RBPJ: variants seen among roughly 807,000 people sequenced by gnomAD.
The protein encoded by RBPJ is recombination signal binding protein for immunoglobulin kappa J region, also known as recombining binding protein suppressor of hairless.
Under a neutral mutation model 67.8 loss-of-function variants are expected in RBPJ, and 9 were observed. The ratio of observed to expected loss-of-function variants is 0.13; its 90% CI spans 0.08 to 0.23. The LOEUF is 0.23. Among genes scored for constraint, RBPJ ranks in the 10% least tolerant of loss-of-function variants. The pLI is 1.00. For missense variants in RBPJ, 305 were observed against 595.6 expected (o/e 0.51, Z 5.08); for synonymous variants, 198 against 203.3 (o/e 0.97, Z 0.22).
chr4:26,379,716 C>T (rs935827688), intron 1 of RBPJ, among the ~76,000 whole-genome samples: 6 of 151,938 alleles, frequency 3.9e-5, no homozygotes, highest in Non-Finnish European at 8.8e-5. Flanking sequence ...AGAGCCAAAC[C>T]GTATCAACCA....
At chr4:26,329,413 A>T (rs1723997348) in intron 1 of RBPJ, among the ~76,000 whole-genome samples, 1 of 152,216 alleles carries the variant, frequency 6.6e-6, no homozygotes, top group Non-Finnish European at 1.5e-5. Flanking sequence ...CCTAGGAATG[A>T]ATAGGCCAAG....
intron 2 of RBPJ, among the ~76,000 whole-genome samples, chr4:26,396,764 C>T (rs7659207): frequency 0.014 from 2,098 of 152,276 alleles, 53 homozygotes; most frequent in African/African-American, 0.049. Context: ...CTACAAAAAA[C>T]TTTTTGTGGA....
the RBPJ span, among the ~76,000 whole-genome samples, chr4:26,107,248 A>G: frequency 5.3e-5 from 8 of 152,362 alleles, no homozygotes; most frequent in Non-Finnish European, 1.2e-4. Flanking sequence ...AATAGTCTCA[A>G]GTGCCCATCC....
At chr4:26,378,070 T>G (rs1435582707) in intron 1 of RBPJ, among the ~76,000 whole-genome samples, 1 of 152,130 alleles carries the variant, frequency 6.6e-6, no homozygotes, top group African/African-American at 2.4e-5. Flanking sequence ...CTTTTTGCTG[T>G]GTGTCCTTAG....
intron 1 of RBPJ, among the ~76,000 whole-genome samples, chr4:26,339,756 A>C (rs1725300700): frequency 6.6e-6 from 1 of 152,198 alleles, no homozygotes; most frequent in African/African-American, 2.4e-5. Context: ...GCAGTGGCTC[A>C]TGCCTGTAAT....
At chr4:26,240,575 G>A (rs888008121) in intron 1 of RBPJ, among the ~76,000 whole-genome samples, 6 of 152,214 alleles carry the variant, frequency 3.9e-5, no homozygotes, top group Non-Finnish European at 7.3e-5. Flanking sequence ...ACATGAGGAA[G>A]AGCATGTTTT....
At chr4:26,318,969 C>T (rs1722765506), upstream of RBPJ, among the ~76,000 whole-genome samples, 1 of 138,846 alleles carries the variant, frequency 7.2e-6, no homozygotes, top group African/African-American at 2.6e-5. Flanking sequence ...TGCACTCTAG[C>T]CTAGGCGACA....
intron 1 of RBPJ, among the ~76,000 whole-genome samples, chr4:26,295,619 A>T (rs539393296): frequency 3.9e-5 from 6 of 152,206 alleles, no homozygotes; most frequent in Admixed American, 3.3e-4. Flanking sequence ...ACCCAACTGT[A>T]CCCAATTCTC....
At position 26,424,791 on chromosome 4, in the gene RBPJ, T is replaced by A. The variant is rs1446383436; in HGVS notation, c.747+48T>A. The A allele has an allele frequency of 9.1e-7, 1 of 1,102,254 alleles. No individual in the cohort carries two copies. The highest frequency in any genetic ancestry group is 1.4e-6 in the Non-Finnish European group (1 of 735,266). 68.3% of individuals were successfully genotyped at this position (1,102,254 alleles called of 1,614,324 possible). On this transcript the variant is annotated intron_variant, in intron 7 of 10. Coordinates refer to ENST00000355476, the MANE Select transcript of RBPJ (RefSeq NM_015874.6). This position sits in a 1 kb window ranked among gnomAD's most constrained non-coding sequence, Gnocchi z 5.3. ...GTGATAATGTGAAGTAAAAATTAAT[T>A]TCTTAAACAGGAAAATCACAACATT...
At chr4:26,178,348 G>C (rs566425144) in intron 1 of RBPJ, among the ~76,000 whole-genome samples, 14 of 152,284 alleles carry the variant, frequency 9.2e-5, no homozygotes, top group African/African-American at 3.4e-4. Context: ...AGAAGTCCCA[G>C]GCCCAGGCCG....
chr4:26,221,319 T>A, intron 1 of RBPJ, among the ~76,000 whole-genome samples: 1 of 152,180 alleles, frequency 6.6e-6, no homozygotes, highest in Non-Finnish European at 1.5e-5. Context: ...CTCCATCTCC[T>A]GACCTCGTGA....
chr4:26,398,701 C>T (rs1421440422), intron 2 of RBPJ, among the ~76,000 whole-genome samples: 1 of 152,142 alleles, frequency 6.6e-6, no homozygotes, highest in African/African-American at 2.4e-5. Flanking sequence ...GCAACTTCTG[C>T]CTTCCACGTT....
At chr4:26,269,178 C>T (rs1444501872) in intron 1 of RBPJ, among the ~76,000 whole-genome samples, 1 of 151,762 alleles carries the variant, frequency 6.6e-6, no homozygotes, top group Non-Finnish European at 1.5e-5. Flanking sequence ...GCAGCTGCTG[C>T]CCAGGCCCTC....
At chr4:26,399,752 C>T (rs1732570775) in intron 2 of RBPJ, among the ~76,000 whole-genome samples, 1 of 151,996 alleles carries the variant, frequency 6.6e-6, no homozygotes, top group Non-Finnish European at 1.5e-5. Flanking sequence ...ATGGTGCGAT[C>T]TTGGCTCACT....
intron 1 of RBPJ, among the ~76,000 whole-genome samples, chr4:26,204,199 T>C (rs1335263360): frequency 1.3e-5 from 2 of 152,130 alleles, no homozygotes; most frequent in Non-Finnish European, 2.9e-5. Context: ...CCTTCCGCCT[T>C]GGCCTCCCAA....
intron 2 of RBPJ, among the ~76,000 whole-genome samples, chr4:26,395,167 A>C (rs897471787): frequency 2.0e-5 from 3 of 152,174 alleles, no homozygotes; most frequent in Non-Finnish European, 4.4e-5. Context: ...TTAAGAAACT[A>C]AGCTCCAGGC....
At chr4:26,410,218 G>A (rs1287090646) in intron 3 of RBPJ, 2 of 268,348 alleles carry the variant, frequency 7.5e-6, no homozygotes, top group Non-Finnish European at 1.5e-5. Flanking sequence ...TTGCAAAGGC[G>A]TAAGGCGTGA....
chr4:26,415,048 T>G (rs1182723708), intron 3 of RBPJ, among the ~76,000 whole-genome samples: 3 of 152,182 alleles, frequency 2.0e-5, no homozygotes, highest in African/African-American at 4.8e-5. Context: ...AAATGCAGTA[T>G]CCATAATAGT....
intron 1 of RBPJ, among the ~76,000 whole-genome samples, chr4:26,353,923 T>C (rs1727071836): frequency 6.7e-6 from 1 of 150,062 alleles, no homozygotes; most frequent in African/African-American, 2.5e-5. Context: ...CAGTATTCTT[T>C]TGTTTTTTTG....
Sources: gnomAD v4.1 joint callset for allele counts (sites outside exome capture counted in the v4.1 genomes callset) on GRCh38, gnomAD v4.1.1 for gene constraint, Gnocchi (gnomAD v3.1) non-coding constraint, MANE v1.5 for transcripts, NCBI Gene and HGNC (gene_info 2026-07-23, HGNC 2026-07-21) for gene names.